PRAMEF10: variants seen among roughly 807,000 people sequenced by gnomAD.
PRAMEF10 encodes PRAME family member 10.
In PRAMEF10, 4 loss-of-function variants were observed where a neutral mutation model predicts 27.7. The observed-to-expected ratio is 0.14, with a 90% CI of 0.07 to 0.33. The LOEUF (loss-of-function observed/expected upper bound fraction) is 0.33, where lower values mean the gene tolerates loss of function less well. PRAMEF10 is among the 10% of genes least tolerant of loss of function. The pLI, the probability that PRAMEF10 is intolerant of heterozygous loss-of-function variation, is 1.00. For missense variants in PRAMEF10, 99 were observed against 453.9 expected (o/e 0.22, Z 7.10); for synonymous variants, 46 against 176.0 (o/e 0.26, Z 5.85).
At chr1:12,894,150 T>C (rs1641172693) in intron 3 of PRAMEF10, among the ~76,000 whole-genome samples, 1 of 150,290 alleles carries the variant, frequency 6.7e-6, no homozygotes, top group Non-Finnish European at 1.5e-5. Context: ...CCTGACCTCA[T>C]GATCTCCCTG....
rs993851331 is a variant in PRAMEF10, at chr1:12,897,543, G to T, written c.-26+673C>A. ...AAGACAGATGCATGCTACCATGCCCGGCTAATTAAAAAATATGTATATTTT... is the reference window on the plus strand; with the variant it reads ...AAGACAGATGCATGCTACCATGCCCTGCTAATTAAAAAATATGTATATTTT... On this transcript the variant is annotated intron_variant, in intron 1 of 3. Transcript: ENST00000235347. 7.9e-4 allele frequency among the ~76,000 whole-genome samples: 117 copies of T among 147,774 alleles called. 3 individuals are homozygous for T. The highest frequency in any genetic ancestry group is 3.0e-3 in the African/African-American group (116 of 39,320).
At position 12,893,336 on chromosome 1, in the gene PRAMEF10, G is replaced by C; in HGVS notation, c.1005C>G (p.Thr335=). ...GCAGAACTCCAAGGGGCTCAAGATTGGTGGTCCACATTAGGATATGAATCA... is the reference window on the plus strand; with the variant it reads ...GCAGAACTCCAAGGGGCTCAAGATTCGTGGTCCACATTAGGATATGAATCA... ...LRLIHILMWT[T]NLEPLGVLLE... is the part of the protein sequence containing the mutation. Residue 335 remains threonine, a synonymous_variant, in exon 4 of 4, where the codon ACC becomes ACG. Coordinates refer to ENST00000235347, the MANE Select transcript of PRAMEF10 (RefSeq NM_001039361.4). 1 of 1,611,700 alleles carries C rather than the reference G, an allele frequency of 6.2e-7. No individual in the cohort carries two copies.
chr1:12,897,810 T>G (rs1453898670), intron 1 of PRAMEF10, among the ~76,000 whole-genome samples: 2 of 149,398 alleles, frequency 1.3e-5, no homozygotes, highest in Non-Finnish European at 3.0e-5. Context: ...TGATTTGAGA[T>G]CGTGCCACTG....
chr1:12,897,843 C>G (rs566086805), intron 1 of PRAMEF10, among the ~76,000 whole-genome samples: 1 of 148,496 alleles, frequency 6.7e-6, no homozygotes, highest in Non-Finnish European at 1.5e-5. Context: ...GGAAACAGAG[C>G]GAGACTCCAT....
intron 3 of PRAMEF10, among the ~76,000 whole-genome samples, chr1:12,894,030 C>T (rs1641171120): frequency 6.7e-6 from 1 of 148,586 alleles, no homozygotes; most frequent in African/African-American, 2.5e-5. Flanking sequence ...TTGCCTCAGT[C>T]TCCCAAGCAG....
At chr1:12,893,956 TCA>T (rs1641170335) in intron 3 of PRAMEF10, among the ~76,000 whole-genome samples, 1 of 133,752 alleles carries the variant, frequency 7.5e-6, no homozygotes. Context: ...TGAGACAGTC[TCA>T]CATTGTAACC....
At chr1:12,896,435 C>G (rs1451597964) in intron 1 of PRAMEF10, among the ~76,000 whole-genome samples, 1 of 149,722 alleles carries the variant, frequency 6.7e-6, no homozygotes, top group Non-Finnish European at 1.5e-5. Context: ...CAAAATGAAC[C>G]ACTTTGGCTG....
chr1:12,893,305 T>C lies in PRAMEF10; in HGVS notation c.1036A>G (p.Lys346Glu), dbSNP rs1265082252. 27 of 1,611,808 alleles carry C rather than the reference T, an allele frequency of 1.7e-5. No individual in the cohort carries two copies. The East Asian group carries it at 6.0e-4, about 36-fold the overall frequency. ...NLEPLGVLLE[K>E]VAATLKTLVL... ...AGGGTCTTGAGAGTAGCAGCAACTT[T>C]CTCCAGCAGAACTCCAAGGGGCTCA... is the stretch of plus-strand genomic sequence containing the variant. Residue 346 changes from lysine (K) to glutamate (E), a missense_variant, in exon 4 of 4, where the codon AAA (lysine) becomes GAA (glutamate). Transcript: ENST00000235347.
rs1404053517 is a variant in PRAMEF10 at position 12,893,258 on chromosome 1, G to T, written c.1083C>A (p.Ile361=). The part of the protein sequence containing the change: ...LKTLVLKDCR[I]QDPQLRVLLP... ...GGAGGACCCTGAGTTGGGGGTCCTG[G>T]ATCCGACAGTCCTTTAAGACGAGGG... The change falls in exon 4 of 4, where the codon ATC becomes ATA. Residue 361 remains isoleucine, a synonymous_variant. Coordinates refer to ENST00000235347, the MANE Select transcript of PRAMEF10 (RefSeq NM_001039361.4). 11 of 1,611,248 alleles carry T rather than the reference G, an allele frequency of 6.8e-6. No individual in the cohort carries two copies. Among genetic ancestry groups the T allele is most frequent in the Non-Finnish European group, 9.3e-6 (11 of 1,179,650 alleles).
At chr1:12,898,015 A>C (rs374879680) in intron 1 of PRAMEF10, among the ~76,000 whole-genome samples, 2 of 146,886 alleles carry the variant, frequency 1.4e-5, no homozygotes, top group African/African-American at 5.1e-5. Context: ...GAAATGACAT[A>C]AACCAAAGCA....
chr1:12,897,501 C>G (rs1641223960), intron 1 of PRAMEF10, among the ~76,000 whole-genome samples: 1 of 148,520 alleles, frequency 6.7e-6, no homozygotes, highest in Non-Finnish European at 1.5e-5. Flanking sequence ...CCCATGTCAG[C>G]AACCCATACA....
At chr1:12,893,777 C>G (rs4620540) in intron 3 of PRAMEF10, among the ~76,000 whole-genome samples, 33,800 of 70,312 alleles carry the variant, frequency 0.48, 6,079 homozygotes, top group Middle Eastern at 0.58. Flanking sequence ...CTCACACCTA[C>G]TCCCTCACCC....
In PRAMEF10 at chr1:12,893,447, A is replaced by G. The variant is rs998899510; in HGVS notation, c.894T>C (p.Phe298=). The change falls in exon 4 of 4, where the codon TTT becomes TTC. Residue 298 remains phenylalanine, a synonymous_variant. Transcript: ENST00000235347. ...LRYLKNPLGA[F]IFSDAYLTDR... is the part of the protein sequence containing the mutation. ...CAGTTAGGTAAGCATCACTGAATATAAAGGCCCCCAAGGGGTTCTTGAGGT... is the reference window on the plus strand; with the variant it reads ...CAGTTAGGTAAGCATCACTGAATATGAAGGCCCCCAAGGGGTTCTTGAGGT... 7.5e-6 allele frequency: 12 copies of G among 1,601,128 alleles called. No individual in the cohort carries two copies. The African/African-American group carries it at 1.3e-4, about 17-fold the overall frequency.
intron 3 of PRAMEF10, among the ~76,000 whole-genome samples, chr1:12,893,995 C>T (rs1312257879): frequency 6.9e-6 from 1 of 144,260 alleles, no homozygotes; most frequent in Non-Finnish European, 1.5e-5. Flanking sequence ...GGCACCGACT[C>T]AGCTCACTGC....
In PRAMEF10 at chr1:12,895,187, G is replaced by T. The variant is rs1465829470; in HGVS notation, c.288-23C>A. On this transcript the variant is annotated intron_variant, in intron 2 of 3. Coordinates refer to ENST00000235347, the MANE Select transcript of PRAMEF10 (RefSeq NM_001039361.4). ...CTCCTATGAGTAACATAGGGGAAAA[G>T]CTCAGAATGTAGGCAAGGACCCACC... 1.5e-5 allele frequency: 20 copies of T among 1,363,588 alleles called. No individual in the cohort carries two copies. The South Asian group carries it at 1.9e-4, about 13-fold the overall frequency. The allele number at this position is 1,363,588 out of a possible 1,614,324, so 84.5% of individuals were successfully genotyped here.
chr1:12,897,423 G>C (rs1311403553), intron 1 of PRAMEF10, among the ~76,000 whole-genome samples: 1 of 150,096 alleles, frequency 6.7e-6, no homozygotes, highest in Non-Finnish European at 1.5e-5. Flanking sequence ...ATGTTGCCCA[G>C]GCTGGAGTAC....
At chr1:12,894,063 G>A (rs1174265814) in intron 3 of PRAMEF10, among the ~76,000 whole-genome samples, 1 of 150,048 alleles carries the variant, frequency 6.7e-6, no homozygotes, top group African/African-American at 2.5e-5. Context: ...GTGCCTGTCT[G>A]CATGCCCGGT....
intron 1 of PRAMEF10, among the ~76,000 whole-genome samples, chr1:12,897,690 C>G (rs934328360): frequency 1.1e-4 from 16 of 149,124 alleles, no homozygotes; most frequent in Admixed American, 1.0e-3. Flanking sequence ...AACCCCACCT[C>G]TACTAAAAAT....
In PRAMEF10 at chr1:12,895,099, C is replaced by T. The variant is rs1237769184; in HGVS notation, c.353G>A (p.Gly118Glu). Residue 118 changes from glycine (G) to glutamate (E), a missense_variant, in exon 3 of 4, where the codon GGA (glycine) becomes GAA (glutamate). Coordinates refer to ENST00000235347, the MANE Select transcript of PRAMEF10 (RefSeq NM_001039361.4). ...VDENFWTIWS[G>E]ARVLSCSPEA... ...TGGGGAGCAGGAGAGGACCCTGGCTCCAGACCATATGGTCCAGAAATTCTC... is the reference window on the plus strand; with the variant it reads ...TGGGGAGCAGGAGAGGACCCTGGCTTCAGACCATATGGTCCAGAAATTCTC... 1 of 1,484,480 alleles carries T rather than the reference C, an allele frequency of 6.7e-7. No individual in the cohort carries two copies. Among genetic ancestry groups the T allele is most frequent in the Non-Finnish European group, 9.3e-7 (1 of 1,072,806 alleles). 92.0% of individuals were successfully genotyped at this position (1,484,480 alleles called of 1,614,324 possible).
Sources: allele counts gnomAD v4.1 joint callset (sites outside exome capture counted in the v4.1 genomes callset), GRCh38; gene constraint gnomAD v4.1.1; transcripts MANE v1.5; gene names NCBI Gene and HGNC (gene_info 2026-07-23, HGNC 2026-07-21).